Variants in NCKAP5 observed in about 807,000 individuals in gnomAD.
NCKAP5 encodes the protein NCK associated protein 5, also known as nck-associated protein 5.
NCKAP5 carries 92 observed loss-of-function variants against 167.0 expected under a neutral mutation model. The ratio of observed to expected loss-of-function variants is 0.55; its 90% CI spans 0.47 to 0.66. The LOEUF is 0.66. NCKAP5 is among the 30% of genes least tolerant of loss of function. The pLI is 0.00. For missense variants in NCKAP5, 2,378 were observed against 2,315.0 expected (o/e 1.03, Z -0.56); for synonymous variants, 891 against 877.4 (o/e 1.02, Z -0.27).
chr2:133,665,663 G>C, the NCKAP5 span, among the ~76,000 whole-genome samples: 1 of 152,194 alleles, frequency 6.6e-6, no homozygotes, highest in African/African-American at 2.4e-5. Context: ...GGAAAATGGC[G>C]CTGACAGACT....
In NCKAP5 at chr2:132,759,835, C is replaced by A. The variant is rs1343473459; in HGVS notation, c.5128+13981G>T. 2.0e-5 allele frequency among the ~76,000 whole-genome samples: 3 copies of A among 151,788 alleles called. No homozygotes were observed. In the East Asian group the frequency reaches 5.8e-4, roughly 29 times the overall value. On this transcript the variant is annotated intron_variant, in intron 16 of 19. Coordinates refer to ENST00000409261, the MANE Select transcript of NCKAP5 (RefSeq NM_207363.3). Reference sequence around the variant, plus strand: ...CAAATCCTCTATGTTCAGATTTCTACCTTTTATTTTATGCTTTCTAGTTGT... The same window carrying A: ...CAAATCCTCTATGTTCAGATTTCTAACTTTTATTTTATGCTTTCTAGTTGT...
the NCKAP5 span, among the ~76,000 whole-genome samples, chr2:133,641,800 G>A: frequency 6.6e-6 from 1 of 152,204 alleles, no homozygotes; most frequent in African/African-American, 2.4e-5. Flanking sequence ...GCCACCTTGA[G>A]TTCAAACTCT....
intron 3 of NCKAP5, among the ~76,000 whole-genome samples, chr2:133,409,109 C>G (rs746902408): frequency 3.3e-5 from 5 of 152,178 alleles, no homozygotes; most frequent in Admixed American, 6.5e-5. Flanking sequence ...TTTGGTCACA[C>G]AAAATATTTA....
At chr2:133,115,347 G>A (rs571310542) in intron 6 of NCKAP5, among the ~76,000 whole-genome samples, 6 of 152,182 alleles carry the variant, frequency 3.9e-5, no homozygotes, top group Non-Finnish European at 7.4e-5. Context: ...TAAAAGCAAC[G>A]ATATTTTGTG....
chr2:132,720,607 G>A (rs1689817345), intron 19 of NCKAP5, among the ~76,000 whole-genome samples: 1 of 152,182 alleles, frequency 6.6e-6, no homozygotes, highest in Non-Finnish European at 1.5e-5. Flanking sequence ...GGGCCAATGG[G>A]AGTGGGTGGT....
At chr2:133,661,132 C>A in the NCKAP5 span, among the ~76,000 whole-genome samples, 1 of 151,790 alleles carries the variant, frequency 6.6e-6, no homozygotes, top group Non-Finnish European at 1.5e-5. Flanking sequence ...TCTCTTAGAG[C>A]AAGTGTGAGA....
At chr2:133,589,150 G>A in the NCKAP5 span, among the ~76,000 whole-genome samples, 1 of 152,178 alleles carries the variant, frequency 6.6e-6, no homozygotes, top group Non-Finnish European at 1.5e-5. Context: ...AAACCAAGGG[G>A]ACACAGGACA....
rs143789945 is a variant in NCKAP5 at position 133,077,867 on chromosome 2, A to G, written c.341+52111T>C. Among the ~76,000 whole-genome samples, 9 of 152,324 alleles carry G rather than the reference A, an allele frequency of 5.9e-5. No homozygotes were observed. The East Asian group carries it at 1.7e-3, about 29-fold the overall frequency. On this transcript the variant is annotated intron_variant, in intron 6 of 19. Transcript: ENST00000409261. ...GTCCAAGACTCAGAAGCAGAACAGG[A>G]ACCCAGATCTCCTGACTTTCAGGGA...
chr2:132,949,296 G>A (rs775525519), intron 8 of NCKAP5, among the ~76,000 whole-genome samples: 1 of 152,156 alleles, frequency 6.6e-6, no homozygotes, highest in Non-Finnish European at 1.5e-5. Flanking sequence ...TTCAAGGTTG[G>A]CCAATTGCTA....
intron 11 of NCKAP5, among the ~76,000 whole-genome samples, chr2:132,821,077 G>A (rs1686694703): frequency 6.6e-6 from 1 of 152,184 alleles, no homozygotes; most frequent in Non-Finnish European, 1.5e-5. Context: ...AACAGTGTGT[G>A]GACTCACACC....
At chr2:133,190,410 A>G (rs1265148046) in intron 5 of NCKAP5, among the ~76,000 whole-genome samples, 4 of 152,208 alleles carry the variant, frequency 2.6e-5, no homozygotes, top group African/African-American at 4.8e-5. Flanking sequence ...TCTTCACAGA[A>G]TTGGAAAAAA....
intron 9 of NCKAP5, among the ~76,000 whole-genome samples, chr2:132,874,140 G>A (rs1018436578): frequency 1.6e-5 from 2 of 121,734 alleles, no homozygotes; most frequent in Non-Finnish European, 3.2e-5. Flanking sequence ...ATGGAGTCTC[G>A]CTCTGTCACC....
At chr2:133,425,411 CA>C (rs1290523107) in intron 3 of NCKAP5, among the ~76,000 whole-genome samples, 5 of 152,028 alleles carry the variant, frequency 3.3e-5, no homozygotes, top group East Asian at 1.9e-4. Context: ...GGAAAGTAAT[CA>C]GGGGGGTAGT....
the NCKAP5 span, among the ~76,000 whole-genome samples, chr2:133,646,727 TC>T: frequency 6.6e-6 from 1 of 152,210 alleles, no homozygotes; most frequent in African/African-American, 2.4e-5. Context: ...GGTGGGTAAA[TC>T]ACTTTTAATT....
At chr2:132,853,105 A>T (rs1689199004) in intron 11 of NCKAP5, among the ~76,000 whole-genome samples, 1 of 152,224 alleles carries the variant, frequency 6.6e-6, no homozygotes, top group South Asian at 2.1e-4. Context: ...GAGCACATGC[A>T]CCAAGTTTTA....
chr2:133,557,380 C>T (rs1333882495), intron 2 of NCKAP5, among the ~76,000 whole-genome samples: 1 of 152,120 alleles, frequency 6.6e-6, no homozygotes, highest in Non-Finnish European at 1.5e-5. Flanking sequence ...AGCTTCTTGG[C>T]CACATTCATA....
chr2:132,715,108 CTT>C (rs949251327), intron 19 of NCKAP5, among the ~76,000 whole-genome samples: 45 of 152,312 alleles, frequency 3.0e-4, no homozygotes, highest in South Asian at 6.2e-4. Flanking sequence ...TGGTCTCTCT[CTT>C]GATCCTTAAA....
intron 3 of NCKAP5, among the ~76,000 whole-genome samples, chr2:133,392,897 G>A (rs1316524538): frequency 2.0e-5 from 3 of 152,118 alleles, no homozygotes; most frequent in South Asian, 2.1e-4. Flanking sequence ...ACTGATGTAC[G>A]ATGATTTATA....
intron 6 of NCKAP5, among the ~76,000 whole-genome samples, chr2:133,098,451 G>A (rs2149669507): frequency 6.6e-6 from 1 of 152,114 alleles, no homozygotes; most frequent in South Asian, 2.1e-4. Flanking sequence ...AAAATTATTA[G>A]GCACTAATTT....
Sources: gnomAD v4.1 joint callset for allele counts (sites outside exome capture counted in the v4.1 genomes callset) on GRCh38, gnomAD v4.1.1 for gene constraint, MANE v1.5 for transcripts, NCBI Gene and HGNC (gene_info 2026-07-23, HGNC 2026-07-21) for gene names.